EDIL3: variants seen among roughly 807,000 people sequenced by gnomAD.
EDIL3 encodes the protein EGF like and discoidin domains 3, also known as EGF-like repeat and discoidin I-like domain-containing protein 3.
In EDIL3, 37 loss-of-function variants were observed where a neutral mutation model predicts 67.4. That is an observed-to-expected ratio of 0.55 (90% confidence interval 0.42 to 0.72). The LOEUF (loss-of-function observed/expected upper bound fraction) is 0.72. Among genes scored for constraint, EDIL3 ranks in the 30% least tolerant of loss-of-function variants. The probability of loss-of-function intolerance (pLI) is 0.00; values close to 1 mark genes in which losing one functional copy is unlikely to be tolerated. For synonymous variants in EDIL3, 195 were observed against 196.3 expected, an observed-to-expected ratio of 0.99 and a Z score of 0.05; for missense variants, 527 against 586.3, an observed-to-expected ratio of 0.90 and a Z score of 1.04.
chr5:84,019,312 A>T (rs542387451), intron 9 of EDIL3, among the ~76,000 whole-genome samples: 1 of 151,558 alleles, frequency 6.6e-6, no homozygotes, highest in Non-Finnish European at 1.5e-5. Context: ...ACCAAACACC[A>T]CATGTTCTCA....
chr5:83,992,640 C>T (rs569336393), intron 9 of EDIL3, among the ~76,000 whole-genome samples: 23 of 152,062 alleles, frequency 1.5e-4, no homozygotes, highest in African/African-American at 4.1e-4. Flanking sequence ...TTTAAGTTAC[C>T]GTATCAGTGA....
chr5:84,306,652 C>A (rs1006241131), intron 1 of EDIL3, among the ~76,000 whole-genome samples: 2 of 152,180 alleles, frequency 1.3e-5, no homozygotes, highest in Non-Finnish European at 1.5e-5. Context: ...CTAGTGAAAG[C>A]AATTCTGTCC....
intron 3 of EDIL3, among the ~76,000 whole-genome samples, chr5:84,194,010 A>G (rs1000908738): frequency 1.7e-3 from 258 of 151,948 alleles, no homozygotes; most frequent in African/African-American, 6.0e-3. Context: ...TATATAGGGA[A>G]CCACTTTCAC....
intron 9 of EDIL3, among the ~76,000 whole-genome samples, chr5:83,981,623 G>A (rs1310091794): frequency 2.0e-5 from 3 of 151,886 alleles, no homozygotes; most frequent in Admixed American, 6.6e-5. Context: ...CACTAAATCC[G>A]TGAATGCAAA....
At chr5:84,311,324 C>CTTTTTTTTTT (rs58965080) in intron 1 of EDIL3, among the ~76,000 whole-genome samples, 4 of 105,546 alleles carry the variant, frequency 3.8e-5, no homozygotes, top group Non-Finnish European at 8.4e-5. Flanking sequence ...TTTTTTTTTT[C>CTTTTTTTTTT]TTTTTTTTTT....
At chr5:84,034,638 C>A (rs1185795671) in intron 9 of EDIL3, among the ~76,000 whole-genome samples, 1 of 152,150 alleles carries the variant, frequency 6.6e-6, no homozygotes, top group Non-Finnish European at 1.5e-5. Flanking sequence ...ATGAGCCTAG[C>A]AGTATGGTTA....
intron 1 of EDIL3, among the ~76,000 whole-genome samples, chr5:84,276,719 C>T (rs1190368613): frequency 6.6e-6 from 1 of 152,112 alleles, no homozygotes; most frequent in Admixed American, 6.5e-5. Context: ...CAGGTGCACA[C>T]CACCACGCTC....
intron 4 of EDIL3, among the ~76,000 whole-genome samples, chr5:84,169,445 T>C (rs185626151): frequency 1.3e-5 from 2 of 152,106 alleles, no homozygotes; most frequent in East Asian, 3.9e-4. Context: ...TATAGAATTT[T>C]ATCACATATG....
chr5:83,964,985 A>G lies in EDIL3; in HGVS notation c.1138-1625T>C, dbSNP rs368227380. On this transcript the variant is annotated intron_variant, in intron 9 of 10. Transcript: ENST00000296591. ...AATAACCAACCAAGGTAGGATATTA[A>G]TTCCACTTTACAGATGAATAATTTA... Among the ~76,000 whole-genome samples the G allele has an allele frequency of 2.1e-4, 32 of 152,168 alleles. No homozygotes were observed. In the East Asian group the frequency reaches 3.1e-3, roughly 15 times the overall value.
At chr5:84,197,111 G>A (rs1227323867) in intron 3 of EDIL3, 4 of 151,972 alleles carry the variant, frequency 2.6e-5, no homozygotes, top group Non-Finnish European at 5.9e-5. Context: ...TTAAGTACAT[G>A]CCATGTGTGA....
rs1343379425 is a variant in EDIL3 at position 84,137,457 on chromosome 5, TC to T, written c.356-104del. The stretch of plus-strand genomic sequence containing the variant: ...AATACAAATGTCTTAGTAATGCTAT[TC>T]CTTTGTGTGTGTGTAGGCATGTGTG... On this transcript the variant is annotated intron_variant, in intron 4 of 10. Transcript: ENST00000296591. 8 of 1,012,682 alleles carry T rather than the reference TC, an allele frequency of 7.9e-6. No individual in the cohort carries two copies. The African/African-American group carries it at 1.3e-4, about 16-fold the overall frequency. 62.7% of individuals were successfully genotyped at this position (1,012,682 alleles called of 1,614,324 possible). A position where few individuals can be genotyped will look rare whatever the true frequency, so the allele number is the denominator to read the frequency against.
At chr5:84,091,420 T>C (rs1747163889) in intron 6 of EDIL3, among the ~76,000 whole-genome samples, 1 of 152,252 alleles carries the variant, frequency 6.6e-6, no homozygotes, top group Non-Finnish European at 1.5e-5. Context: ...TATATAACTT[T>C]TTCTACAATT....
intron 10 of EDIL3, among the ~76,000 whole-genome samples, chr5:83,955,059 T>C (rs1202262112): frequency 6.6e-6 from 1 of 151,798 alleles, no homozygotes; most frequent in Non-Finnish European, 1.5e-5. Flanking sequence ...TAACACTTGA[T>C]GATTTTTCTT....
chr5:84,042,346 A>T (rs542069773), intron 9 of EDIL3, among the ~76,000 whole-genome samples: 48 of 151,462 alleles, frequency 3.2e-4, no homozygotes, highest in Non-Finnish European at 6.8e-4. Flanking sequence ...CAGTGGCTTG[A>T]TCTCGGCTCA....
chr5:83,970,068 A>T (rs1744764354), intron 9 of EDIL3, among the ~76,000 whole-genome samples: 1 of 151,606 alleles, frequency 6.6e-6, no homozygotes, highest in South Asian at 2.1e-4. Flanking sequence ...CCCAGTCTGT[A>T]GTATCCTCTG....
intron 1 of EDIL3, among the ~76,000 whole-genome samples, chr5:84,359,089 C>A (rs1204052824): frequency 6.6e-6 from 1 of 152,036 alleles, no homozygotes; most frequent in Non-Finnish European, 1.5e-5. Flanking sequence ...ATTACTGCTC[C>A]GTCCCACCCA....
intron 4 of EDIL3, among the ~76,000 whole-genome samples, chr5:84,176,811 T>C (rs1410206378): frequency 1.8e-5 from 2 of 108,602 alleles, no homozygotes; most frequent in East Asian, 8.9e-4. Context: ...CATTCTTCTA[T>C]GATATATATA....
intron 5 of EDIL3, among the ~76,000 whole-genome samples, chr5:84,130,472 C>T (rs1286751554): frequency 1.3e-5 from 2 of 152,138 alleles, no homozygotes; most frequent in East Asian, 3.8e-4. Flanking sequence ...TATATTGCAA[C>T]ATCAGACTTA....
chr5:84,261,506 G>A (rs1172128534), intron 1 of EDIL3, among the ~76,000 whole-genome samples: 2 of 152,088 alleles, frequency 1.3e-5, no homozygotes, highest in Admixed American at 6.5e-5. Flanking sequence ...TTAAGAAGGT[G>A]CAATCTGATT....
Sources: gnomAD v4.1 joint callset for allele counts (sites outside exome capture counted in the v4.1 genomes callset) on GRCh38, gnomAD v4.1.1 for gene constraint, MANE v1.5 for transcripts, NCBI Gene and HGNC (gene_info 2026-07-23, HGNC 2026-07-21) for gene names.